Variants in GPM6A observed in about 807,000 individuals in gnomAD.
GPM6A encodes the protein glycoprotein M6A.
GPM6A carries 7 observed loss-of-function variants against 32.1 expected under a neutral mutation model. The observed-to-expected ratio is 0.22, with a 90% CI of 0.12 to 0.41. The LOEUF is 0.41. GPM6A is among the 10% of genes least tolerant of loss of function. GPM6A has a pLI of 1.00. For missense variants in GPM6A, 235 were observed against 347.2 expected, an observed-to-expected ratio of 0.68 and a Z score of 2.57; for synonymous variants, 130 against 123.4, an observed-to-expected ratio of 1.05 and a Z score of -0.35.
At chr4:175,867,351 T>G (rs1736772570) in intron 1 of GPM6A, among the ~76,000 whole-genome samples, 2 of 152,188 alleles carry the variant, frequency 1.3e-5, no homozygotes, top group Non-Finnish European at 2.9e-5. Context: ...CTAGTTTTTC[T>G]TCTCATGTTA....
At chr4:175,669,390 G>A (rs897244638) in intron 3 of GPM6A, among the ~76,000 whole-genome samples, 1 of 152,062 alleles carries the variant, frequency 6.6e-6, no homozygotes, top group Non-Finnish European at 1.5e-5. Flanking sequence ...GGCCAGAAGT[G>A]TTTTGAATTT....
intron 2 of GPM6A, among the ~76,000 whole-genome samples, chr4:175,676,643 G>A (rs1221136960): frequency 6.6e-6 from 1 of 152,146 alleles, no homozygotes; most frequent in Non-Finnish European, 1.5e-5. Context: ...CTACGTGGGA[G>A]GCTGAAGCTG....
chr4:175,871,843 C>T (rs1046633853), intron 1 of GPM6A, among the ~76,000 whole-genome samples: 6 of 152,136 alleles, frequency 3.9e-5, no homozygotes, highest in Non-Finnish European at 7.3e-5. Context: ...ATTTTTGCTG[C>T]AGAAATAAAA....
intron 2 of GPM6A, among the ~76,000 whole-genome samples, chr4:175,691,892 G>A (rs1744320812): frequency 6.6e-6 from 1 of 152,194 alleles, no homozygotes; most frequent in Admixed American, 6.5e-5. Context: ...TTCAGAGTGA[G>A]ATTTGAAGAT....
chr4:175,665,453 C>T (rs1742693982), intron 3 of GPM6A, among the ~76,000 whole-genome samples: 2 of 151,666 alleles, frequency 1.3e-5, no homozygotes, highest in African/African-American at 4.9e-5. Context: ...CAATTGAAAA[C>T]AAAATTCAAA....
intron 1 of GPM6A, among the ~76,000 whole-genome samples, chr4:175,859,077 G>A (rs1349697381): frequency 1.3e-5 from 2 of 152,172 alleles, no homozygotes; most frequent in Non-Finnish European, 2.9e-5. Context: ...AGGAGGAGAT[G>A]GGGTTGTTCA....
chr4:175,939,814 A>C (rs966702233), intron 1 of GPM6A, among the ~76,000 whole-genome samples: 1 of 152,158 alleles, frequency 6.6e-6, no homozygotes, highest in Non-Finnish European at 1.5e-5. Context: ...GAAATTTTTC[A>C]AGTTTTTATT....
chr4:175,960,009 G>A (rs546856761), intron 1 of GPM6A, among the ~76,000 whole-genome samples: 1 of 152,094 alleles, frequency 6.6e-6, no homozygotes, highest in African/African-American at 2.4e-5. Flanking sequence ...TTACAAGCAA[G>A]AAAATTGAGG....
intron 6 of GPM6A, among the ~76,000 whole-genome samples, chr4:175,637,632 T>A (rs78974587): frequency 0.38 from 24,582 of 64,246 alleles, 4,228 homozygotes; most frequent in East Asian, 0.59. Flanking sequence ...ATATTATATA[T>A]ATATTATATA....
chr4:175,799,740 T>C (rs1734393736), intron 1 of GPM6A, among the ~76,000 whole-genome samples: 1 of 128,286 alleles, frequency 7.8e-6, no homozygotes, highest in Non-Finnish European at 1.7e-5. Context: ...AGTGGCGCAA[T>C]CTCGGCTCAC....
At chr4:175,708,534 C>T (rs536317380) in intron 1 of GPM6A, among the ~76,000 whole-genome samples, 7 of 151,886 alleles carry the variant, frequency 4.6e-5, no homozygotes, top group East Asian at 1.9e-4. Context: ...TACAGCTGCC[C>T]GCCACCACAC....
At chr4:175,696,936 C>A (rs1029464042) in intron 2 of GPM6A, among the ~76,000 whole-genome samples, 1 of 152,016 alleles carries the variant, frequency 6.6e-6, no homozygotes, top group Non-Finnish European at 1.5e-5. Context: ...TTTGTCTGAG[C>A]TTACTGATTT....
At chr4:175,658,649 A>G (rs1317198644) in intron 3 of GPM6A, among the ~76,000 whole-genome samples, 2 of 152,174 alleles carry the variant, frequency 1.3e-5, no homozygotes, top group African/African-American at 4.8e-5. Context: ...AGGTAGTGAT[A>G]ACGGGAGTCT....
chr4:175,646,944 G>T (rs1482880016), intron 4 of GPM6A, among the ~76,000 whole-genome samples: 1 of 152,192 alleles, frequency 6.6e-6, no homozygotes, highest in East Asian at 1.9e-4. Context: ...CACCTCGGCT[G>T]CAGTGCCTGA....
At chr4:175,637,317 AAAAT>A (rs1400450527) in intron 6 of GPM6A, among the ~76,000 whole-genome samples, 2,239 of 84,940 alleles carry the variant, frequency 0.026, 229 homozygotes, top group African/African-American at 0.1. Context: ...TATATAATAT[AAAAT>A]ATATATTATA....
At chr4:175,711,457 T>TATATATACACACAC (rs1303046650) in intron 1 of GPM6A, among the ~76,000 whole-genome samples, 1 of 28,014 alleles carries the variant, frequency 3.6e-5, no homozygotes, top group African/African-American at 8.4e-5. Flanking sequence ...TATATATATA[T>TATATATACACACAC]ACACACACAT....
In GPM6A at chr4:175,702,125, T is replaced by A. The variant is rs181769672; in HGVS notation, c.38-358A>T. 3.3e-5 allele frequency among the ~76,000 whole-genome samples: 5 copies of A among 152,356 alleles called. No individual in the cohort carries two copies. The East Asian group carries it at 9.6e-4, about 29-fold the overall frequency. ...CAAATGTCACATGCTTATGGTTTTA[T>A]TTCAATGGTATTTATTCTTTTGCAC... On this transcript the variant is annotated intron_variant, in intron 1 of 6. Coordinates refer to ENST00000393658, the MANE Select transcript of GPM6A (RefSeq NM_201591.3).
chr4:175,942,163 C>T (rs937096793), intron 1 of GPM6A, among the ~76,000 whole-genome samples: 1 of 151,194 alleles, frequency 6.6e-6, no homozygotes, highest in African/African-American at 2.5e-5. Flanking sequence ...TGTTTGTTGG[C>T]CACATAAATG....
chr4:175,826,833 G>C (rs1057363343), intron 1 of GPM6A, among the ~76,000 whole-genome samples: 8 of 151,822 alleles, frequency 5.3e-5, no homozygotes, highest in South Asian at 4.2e-4. Flanking sequence ...AAAAAAAAAA[G>C]AGTCCTAATG....
Sources: gnomAD v4.1 joint callset for allele counts (sites outside exome capture counted in the v4.1 genomes callset) on GRCh38, gnomAD v4.1.1 for gene constraint, MANE v1.5 for transcripts, NCBI Gene and HGNC (gene_info 2026-07-23, HGNC 2026-07-21) for gene names.